PCDHGA2: variants seen among roughly 807,000 people sequenced by gnomAD.
PCDHGA2 encodes the protein protocadherin gamma-A2.
In PCDHGA2, 40 loss-of-function variants were observed where a neutral mutation model predicts 59.2. The ratio of observed to expected loss-of-function variants is 0.68; its 90% confidence interval spans 0.52 to 0.88. PCDHGA2 has a LOEUF of 0.88. Among genes scored for constraint, PCDHGA2 ranks in the 40% least tolerant of loss-of-function variants. The pLI, the probability that PCDHGA2 is intolerant of heterozygous loss-of-function variation, is 0.00. For synonymous variants in PCDHGA2, 560 were observed against 526.0 expected (o/e 1.06, Z -0.89); for missense variants, 1,226 against 1,204.0 (o/e 1.02, Z -0.27).
chr5:141,450,829 A>ATTTTTT (rs373424450), intron 1 of PCDHGA2, among the ~76,000 whole-genome samples: 1 of 135,126 alleles, frequency 7.4e-6, no homozygotes. Context: ...TATTATTATT[A>ATTTTTT]TTTTTTTTTT....
intron 2 of PCDHGA2, among the ~76,000 whole-genome samples, chr5:141,504,704 A>G (rs965376942): frequency 1.3e-5 from 2 of 151,356 alleles, no homozygotes; most frequent in African/African-American, 4.8e-5. Flanking sequence ...AGGTTCTTCT[A>G]TGGCCGTGGA....
intron 1 of PCDHGA2, chr5:141,355,640 A>G (rs373212603): frequency 6.2e-7 from 1 of 1,613,988 alleles, no homozygotes; most frequent in East Asian, 2.2e-5. Context: ...GAAAATGAAA[A>G]TCCTGGGGCA....
rs765563941 is a variant in PCDHGA2 at position 141,383,705 on chromosome 5, T to G, written c.2424+42310T>G. On this transcript the variant is annotated intron_variant, in intron 1 of 3. Transcript: ENST00000394576. ...CTGCTCACGGTACATGCTATCGACC[T>G]GGACGAGGGAGTCAATGGGGAAGTG... 3.1e-6 allele frequency: 5 copies of G among 1,613,902 alleles called. No homozygotes were observed. Among genetic ancestry groups the G allele is most frequent in the Non-Finnish European group, 4.2e-6 (5 of 1,179,894 alleles).
intron 3 of PCDHGA2, chr5:141,508,084 T>A (rs1422530110): frequency 6.6e-6 from 1 of 152,432 alleles, no homozygotes; most frequent in East Asian, 1.9e-4. Flanking sequence ...CTGGAGTTGC[T>A]GCCTTGGCCC....
intron 1 of PCDHGA2, chr5:141,389,289 A>G (rs1384091312): frequency 1.2e-6 from 2 of 1,613,966 alleles, no homozygotes; most frequent in African/African-American, 1.3e-5. Context: ...TGGAGCCTCT[A>G]TTTCACAAGT....
intron 1 of PCDHGA2, among the ~76,000 whole-genome samples, chr5:141,448,604 A>G (rs954578256): frequency 1.3e-5 from 2 of 152,118 alleles, no homozygotes; most frequent in Non-Finnish European, 2.9e-5. Flanking sequence ...AATACTATAC[A>G]CCACTTTATA....
intron 1 of PCDHGA2, among the ~76,000 whole-genome samples, chr5:141,459,613 C>T (rs1040874685): frequency 2.6e-5 from 4 of 152,188 alleles, no homozygotes; most frequent in African/African-American, 9.7e-5. Context: ...ATATGCTTAA[C>T]TTTATAAGAA....
chr5:141,351,613 C>T (rs1302240583), intron 1 of PCDHGA2: 2 of 1,614,074 alleles, frequency 1.2e-6, no homozygotes, highest in Non-Finnish European at 1.7e-6. Flanking sequence ...TCCATCAGGC[C>T]TCCTATGTGG....
chr5:141,385,239 C>A lies in PCDHGA2; in HGVS notation c.2424+43844C>A, dbSNP rs367668432. On this transcript the variant is annotated intron_variant, in intron 1 of 3. Transcript: ENST00000394576. ...AGCCCAACTATGTAGACATGCTCAT[C>A]AGCCAGGAGAGCTGTGAGAAAAATG... 4 of 1,613,960 alleles carry A rather than the reference C, an allele frequency of 2.5e-6. No individual in the cohort carries two copies. The African/African-American group carries it at 5.3e-5, about 22-fold the overall frequency.
intron 1 of PCDHGA2, chr5:141,433,023 A>C: frequency 6.2e-7 from 1 of 1,614,084 alleles, no homozygotes; most frequent in East Asian, 2.2e-5. Context: ...ACCTATTCCC[A>C]CGAGGTTTCC....
At position 141,486,602 on chromosome 5, in the gene PCDHGA2, C is replaced by T; in HGVS notation, c.2425-8205C>T. The stretch of plus-strand genomic sequence containing the variant: ...TCGCCCAGGGGACCTGCTTTGCTCC[C>T]TTGCAGCCTCTGACCCAGACTCTGG... On this transcript the variant is annotated intron_variant, in intron 1 of 3. Transcript: ENST00000394576. The surrounding 1 kb of genome is among the most constrained non-coding windows in gnomAD (Gnocchi z 5.0). 6.2e-7 allele frequency: 1 copy of T among 1,613,572 alleles called. No homozygotes were observed. Among genetic ancestry groups the T allele is most frequent in the Non-Finnish European group, 8.5e-7 (1 of 1,180,026 alleles).
intron 1 of PCDHGA2, among the ~76,000 whole-genome samples, chr5:141,352,899 G>A (rs993863132): frequency 5.9e-5 from 9 of 152,168 alleles, no homozygotes; most frequent in Non-Finnish European, 1.0e-4. Flanking sequence ...GAGACAGGAG[G>A]ATCGCTTGAG....
intron 1 of PCDHGA2, among the ~76,000 whole-genome samples, chr5:141,482,771 A>ACCTAAAATCTCAAACAC (rs1168136626): frequency 4.9e-5 from 7 of 141,414 alleles, no homozygotes; most frequent in African/African-American, 8.5e-5. Flanking sequence ...ATTATCACTG[A>ACCTAAAATCTCAAACAC]ACCTTAAACT....
intron 1 of PCDHGA2, among the ~76,000 whole-genome samples, chr5:141,470,011 C>T (rs2099218489): frequency 6.6e-6 from 1 of 152,144 alleles, no homozygotes; most frequent in Non-Finnish European, 1.5e-5. Context: ...CGCCTGTAAT[C>T]CCAGCTACTC....
chr5:141,438,613 TATATATATATATATATATATATAC>T (rs1240061633), intron 1 of PCDHGA2, among the ~76,000 whole-genome samples: 627 of 36,484 alleles, frequency 0.017, 21 homozygotes, highest in African/African-American at 0.051. Flanking sequence ...TATATATATA[TATATATATATATATATATATATAC>T]ACACACACAC....
Position 141,338,914 on chromosome 5 carries a change from A to G in PCDHGA2, c.-58A>G. ...TTATCTCACACCCTGAGGAATAAAG[A>G]TTGGAATCCGCACTGGATGCTGGAA... On this transcript the variant is annotated 5_prime_UTR_variant, in exon 1 of 4. Coordinates refer to ENST00000394576, the MANE Select transcript of PCDHGA2 (RefSeq NM_018915.4). 1 of 1,507,004 alleles carries G rather than the reference A, an allele frequency of 6.6e-7. No individual in the cohort carries two copies. The highest frequency in any genetic ancestry group is 8.9e-7 in the Non-Finnish European group (1 of 1,128,106). The allele number at this position is 1,507,004 out of a possible 1,614,324, so 93.4% of individuals were successfully genotyped here.
chr5:141,362,408 C>T lies in PCDHGA2; in HGVS notation c.2424+21013C>T, dbSNP rs756452261. ...TATTCCTACAACCTGTGTGTTGCCT[C>T]ACAATCAGCCAAGACAGAGTTCAAT... On this transcript the variant is annotated intron_variant, in intron 1 of 3. Transcript: ENST00000394576. The T allele has an allele frequency of 1.2e-4, 193 of 1,613,924 alleles. 1 individual carries two copies. The Admixed American group carries it at 3.2e-3, about 27-fold the overall frequency.
rs191953163 is a variant in PCDHGA2 at position 141,426,385 on chromosome 5, C to T, written c.2425-68422C>T. Reference sequence around the variant, plus strand: ...CTGCGGGGCACCCTCGGAGCAGATCCGCTACTCTATTCCAGAAGAAACGGT... The same window carrying T: ...CTGCGGGGCACCCTCGGAGCAGATCTGCTACTCTATTCCAGAAGAAACGGT... On this transcript the variant is annotated intron_variant, in intron 1 of 3. Transcript: ENST00000394576. 1.4e-3 allele frequency: 332 copies of T among 244,362 alleles called. 1 individual carries two copies. The highest frequency in any genetic ancestry group is 1.5e-3 in the Non-Finnish European group (188 of 121,940). 15.1% of individuals were successfully genotyped at this position (244,362 alleles called of 1,614,324 possible). A position where few individuals can be genotyped will look rare whatever the true frequency, so the allele number is the denominator to read the frequency against.
At chr5:141,361,031 G>A (rs756552774) in intron 1 of PCDHGA2, 27 of 1,613,172 alleles carry the variant, frequency 1.7e-5, no homozygotes, top group Non-Finnish European at 2.1e-5. Context: ...GAAAAAACAG[G>A]AGAAATCACG....
Sources: gnomAD v4.1 joint callset for allele counts (sites outside exome capture counted in the v4.1 genomes callset) on GRCh38, gnomAD v4.1.1 for gene constraint, Gnocchi (gnomAD v3.1) non-coding constraint, MANE v1.5 for transcripts, NCBI Gene and HGNC (gene_info 2026-07-23, HGNC 2026-07-21) for gene names.